TTLL5: variants seen among roughly 807,000 people sequenced by gnomAD.
TTLL5 encodes tubulin tyrosine ligase like 5.
Under a neutral mutation model 168.4 loss-of-function variants are expected in TTLL5, and 132 were observed. The observed-to-expected ratio is 0.78, with a 90% CI of 0.68 to 0.91. The LOEUF (loss-of-function observed/expected upper bound fraction) is 0.91. TTLL5 is among the 40% of genes least tolerant of loss of function. The pLI is 0.00. For missense variants in TTLL5, 1,545 were observed against 1,581.5 expected (o/e 0.98, Z 0.39); for synonymous variants, 546 against 558.6 (o/e 0.98, Z 0.32).
At chr14:75,684,508 A>C (rs1453033740) in intron 5 of TTLL5, 1 of 152,258 alleles carries the variant, frequency 6.6e-6, no homozygotes, top group East Asian at 1.9e-4. Flanking sequence ...GCTGATCATT[A>C]AACATAATTT....
intron 27 of TTLL5, among the ~76,000 whole-genome samples, chr14:75,796,201 CAT>C (rs1892987406): frequency 6.6e-6 from 1 of 152,270 alleles, no homozygotes; most frequent in African/African-American, 2.4e-5. Flanking sequence ...AGCATTTTCT[CAT>C]ATGTTTGTTG....
At chr14:75,738,103 C>T (rs1475422092) in intron 15 of TTLL5, among the ~76,000 whole-genome samples, 1 of 152,190 alleles carries the variant, frequency 6.6e-6, no homozygotes, top group African/African-American at 2.4e-5. Context: ...AGCTCTGCCA[C>T]AATAGTGTCT....
intron 29 of TTLL5, among the ~76,000 whole-genome samples, chr14:75,871,454 C>G (rs1003938653): frequency 6.6e-6 from 1 of 152,008 alleles, no homozygotes; most frequent in Non-Finnish European, 1.5e-5. Context: ...TCCTCCCCCA[C>G]GACAGAATTG....
At chr14:75,667,756 T>TTG (rs1394364106) in intron 2 of TTLL5, among the ~76,000 whole-genome samples, 38 of 141,114 alleles carry the variant, frequency 2.7e-4, no homozygotes, top group South Asian at 1.2e-3. Flanking sequence ...TTTATGTTTT[T>TTG]TTTTTTTTTT....
intron 28 of TTLL5, among the ~76,000 whole-genome samples, chr14:75,825,946 A>G (rs1233840028): frequency 1.3e-5 from 2 of 152,156 alleles, no homozygotes; most frequent in Admixed American, 6.5e-5. Flanking sequence ...GACAGATTCT[A>G]CAGTTCCTCC....
At chr14:75,814,099 T>C (rs940618294) in intron 27 of TTLL5, among the ~76,000 whole-genome samples, 1 of 152,226 alleles carries the variant, frequency 6.6e-6, no homozygotes, top group Non-Finnish European at 1.5e-5. Flanking sequence ...TTTCAAGTTT[T>C]CAGATTTGGG....
intron 29 of TTLL5, among the ~76,000 whole-genome samples, chr14:75,864,674 T>C (rs916242601): frequency 6.6e-6 from 1 of 152,206 alleles, no homozygotes; most frequent in Non-Finnish European, 1.5e-5. Context: ...TTAGAATAGT[T>C]ACTGTGTTCT....
chr14:75,683,347 G>A (rs1360823684), intron 4 of TTLL5, among the ~76,000 whole-genome samples: 2 of 152,138 alleles, frequency 1.3e-5, no homozygotes, highest in South Asian at 2.1e-4. Flanking sequence ...TTTCTGCATC[G>A]GGGATTTGCC....
chr14:75,819,958 T>C (rs150520653), intron 27 of TTLL5, 49 bp from the exon 28 acceptor site: 23 of 1,544,294 alleles, frequency 1.5e-5, no homozygotes, highest in Admixed American at 2.0e-5. Context: ...TTAATGATGC[T>C]TTTTAAAAAC....
chr14:75,925,851 C>G (rs970028054), intron 31 of TTLL5, among the ~76,000 whole-genome samples: 12 of 152,034 alleles, frequency 7.9e-5, no homozygotes, highest in African/African-American at 2.9e-4. Context: ...GAGCTGGAGA[C>G]CAGCCCGGCC....
chr14:75,798,111 T>G (rs1034566093), intron 27 of TTLL5, among the ~76,000 whole-genome samples: 44 of 152,092 alleles, frequency 2.9e-4, no homozygotes, highest in Admixed American at 1.3e-4. Flanking sequence ...AATTGCCATT[T>G]CAATATTGCT....
intron 6 of TTLL5, among the ~76,000 whole-genome samples, chr14:75,696,554 G>A (rs1753924314): frequency 6.6e-6 from 1 of 152,090 alleles, no homozygotes; most frequent in African/African-American, 2.4e-5. Context: ...TCACTTTATG[G>A]AAATTTAATT....
chr14:75,922,018 C>CTGTT (rs1308561607), intron 31 of TTLL5, among the ~76,000 whole-genome samples: 1 of 152,026 alleles, frequency 6.6e-6, no homozygotes, highest in African/African-American at 2.4e-5. Flanking sequence ...CATGATTTGG[C>CTGTT]TCTTTGTTTG....
At chr14:75,761,031 C>G (rs889221328) in intron 18 of TTLL5, among the ~76,000 whole-genome samples, 2 of 151,906 alleles carry the variant, frequency 1.3e-5, no homozygotes, top group Non-Finnish European at 2.9e-5. Context: ...ACTCCTACAA[C>G]TCAATAATAA....
At chr14:75,875,528 G>A (rs1478794002) in intron 29 of TTLL5, among the ~76,000 whole-genome samples, 1 of 150,364 alleles carries the variant, frequency 6.7e-6, no homozygotes, top group Admixed American at 6.6e-5. Flanking sequence ...GCAACAGAGT[G>A]AGACTCCATC....
intron 31 of TTLL5, among the ~76,000 whole-genome samples, chr14:75,933,580 A>T (rs1008475861): frequency 6.6e-6 from 1 of 152,224 alleles, no homozygotes; most frequent in African/African-American, 2.4e-5. Context: ...AGCTGGGAGC[A>T]GTGGTCTCAT....
intron 29 of TTLL5, among the ~76,000 whole-genome samples, chr14:75,877,842 G>A (rs904492948): frequency 1.3e-5 from 2 of 152,310 alleles, no homozygotes; most frequent in East Asian, 3.9e-4. Flanking sequence ...AGGGTGCCTG[G>A]AGAGGCTGAT....
chr14:75,737,513 G>A, intron 15 of TTLL5: 5 of 1,496,130 alleles, frequency 3.3e-6, no homozygotes, highest in Non-Finnish European at 4.4e-6. Context: ...GATGGAAAAT[G>A]TAGGCATATT....
rs114889964 is a variant in TTLL5 at position 75,693,716 on chromosome 14, T to G, written c.502+3394T>G. On this transcript the variant is annotated intron_variant, in intron 6 of 31. Coordinates refer to ENST00000298832, the MANE Select transcript of TTLL5 (RefSeq NM_015072.5). Reference sequence around the variant, plus strand: ...AAGAAAGAAGCAACAAAGAAGAAGATGGGGTGGTACCAGTATCAGAAAAGC... The same window carrying G: ...AAGAAAGAAGCAACAAAGAAGAAGAGGGGGTGGTACCAGTATCAGAAAAGC... Among the ~76,000 whole-genome samples the G allele has an allele frequency of 3.0e-3, 456 of 152,276 alleles. 4 individuals carry two copies. The highest frequency in any genetic ancestry group is 0.011 in the African/African-American group (441 of 41,556).
Sources: gnomAD v4.1 joint callset for allele counts (sites outside exome capture counted in the v4.1 genomes callset) on GRCh38, gnomAD v4.1.1 for gene constraint, MANE v1.5 for transcripts, NCBI Gene and HGNC (gene_info 2026-07-23, HGNC 2026-07-21) for gene names.